ADGRV1: variants seen among roughly 807,000 people sequenced by gnomAD.
The protein encoded by ADGRV1 is adhesion G protein-coupled receptor V1.
In ADGRV1, 359 loss-of-function variants were observed where a neutral mutation model predicts 596.2. The observed-to-expected ratio is 0.60, with a 90% CI of 0.55 to 0.66. ADGRV1 has a LOEUF of 0.66. ADGRV1 is among the 30% of genes least tolerant of loss of function. ADGRV1 has a pLI of 0.00. For missense variants in ADGRV1, 7,274 were observed against 7,575.6 expected (o/e 0.96, Z 1.48); for synonymous variants, 2,681 against 2,679.2 (o/e 1.00, Z -0.02).
intron 27 of ADGRV1, among the ~76,000 whole-genome samples, chr5:90,682,300 C>T (rs1006838456): frequency 3.9e-5 from 6 of 152,182 alleles, no homozygotes; most frequent in Non-Finnish European, 5.9e-5. Context: ...GCTCTTATAG[C>T]TTCTTTCTGG....
At chr5:90,791,381 A>G in intron 70 of ADGRV1, 35 bp downstream of exon 70, 5 of 1,451,320 alleles carry the variant, frequency 3.4e-6, no homozygotes, top group Non-Finnish European at 4.6e-6. Flanking sequence ...TGATCATTCC[A>G]ATAAAACCCT....
intron 86 of ADGRV1, among the ~76,000 whole-genome samples, chr5:91,089,504 A>G (rs1014602494): frequency 7.2e-5 from 11 of 152,178 alleles, no homozygotes; most frequent in Non-Finnish European, 1.5e-4. Context: ...TAAAGAAACA[A>G]AGGCAGCTTT....
Position 90,696,932 on chromosome 5 carries a change from T to C in ADGRV1, c.7946-5T>C, listed in dbSNP as rs1580775628. The C allele has an allele frequency of 6.2e-7, 1 of 1,607,126 alleles. No homozygotes were observed. The highest frequency in any genetic ancestry group is 8.5e-7 in the Non-Finnish European group (1 of 1,175,180). On this transcript the variant is annotated splice_polypyrimidine_tract_variant and splice_region_variant and intron_variant, in intron 33 of 89. Transcript: ENST00000405460. ...TTGGTTTTTATTCCATTGATGTTTTTATAGGTGAAACCAAAAAGACAGTCA... is the reference window on the plus strand; with the variant it reads ...TTGGTTTTTATTCCATTGATGTTTTCATAGGTGAAACCAAAAAGACAGTCA...
chr5:90,802,520 T>G (rs1174752015), intron 70 of ADGRV1, among the ~76,000 whole-genome samples: 1 of 152,186 alleles, frequency 6.6e-6, no homozygotes, highest in Non-Finnish European at 1.5e-5. Flanking sequence ...TGTGGGCCAC[T>G]GTGCCCAGCC....
chr5:90,834,110 T>G (rs1462829087), intron 77 of ADGRV1, among the ~76,000 whole-genome samples: 1 of 152,146 alleles, frequency 6.6e-6, no homozygotes, highest in Non-Finnish European at 1.5e-5. Flanking sequence ...TCTAGAAAAG[T>G]TGTTGTAGTT....
rs41311623 is a variant in ADGRV1, at chr5:90,558,979, A to G, written c.22+62A>G. ...CTGAGCCCCAGGGGAGCGCCTCAGC[A>G]TCAGCACCTGTTGCTGCAGGTGGGC... is the stretch of plus-strand genomic sequence containing the variant. On this transcript the variant is annotated intron_variant, in intron 1 of 89. Transcript: ENST00000405460. The G allele has an allele frequency of 2.0e-3, 2,919 of 1,451,520 alleles. 56 individuals are homozygous for G. In the African/African-American group the frequency reaches 0.037, roughly 18 times the overall value. 89.9% of individuals were successfully genotyped at this position (1,451,520 alleles called of 1,614,324 possible).
At chr5:90,712,803 C>T (rs564640506) in intron 42 of ADGRV1, among the ~76,000 whole-genome samples, 7 of 151,900 alleles carry the variant, frequency 4.6e-5, no homozygotes, top group African/African-American at 1.7e-4. Flanking sequence ...TACTTTGTAC[C>T]TTTGTACAAA....
intron 21 of ADGRV1, among the ~76,000 whole-genome samples, chr5:90,658,737 T>C (rs1769797613): frequency 6.6e-6 from 1 of 152,090 alleles, no homozygotes; most frequent in Non-Finnish European, 1.5e-5. Context: ...TCTTCCATGT[T>C]GGGTGTAAAT....
intron 85 of ADGRV1, among the ~76,000 whole-genome samples, chr5:90,991,817 G>C (rs1780991426): frequency 6.6e-6 from 1 of 152,100 alleles, no homozygotes; most frequent in Non-Finnish European, 1.5e-5. Flanking sequence ...TACTCTATGG[G>C]AAATATGATA....
intron 1 of ADGRV1, among the ~76,000 whole-genome samples, chr5:90,599,201 A>G (rs570009083): frequency 9.8e-5 from 15 of 152,340 alleles, no homozygotes; most frequent in African/African-American, 3.4e-4. Context: ...TAAAGCCAAT[A>G]TAGTATTAGG....
chr5:90,731,178 G>A (rs958321880), intron 50 of ADGRV1, among the ~76,000 whole-genome samples: 4 of 152,142 alleles, frequency 2.6e-5, no homozygotes, highest in African/African-American at 9.7e-5. Flanking sequence ...CATGCTTTGG[G>A]AGGCCTCAGG....
chr5:91,109,784 A>G (rs1037420910), intron 87 of ADGRV1, among the ~76,000 whole-genome samples: 2 of 152,222 alleles, frequency 1.3e-5, no homozygotes, highest in Non-Finnish European at 2.9e-5. Flanking sequence ...AATAATGGAA[A>G]GAGTCAAGTT....
intron 77 of ADGRV1, 61 bp downstream of exon 77, chr5:90,829,247 G>T (rs550059926): frequency 1.9e-4 from 245 of 1,259,782 alleles, no homozygotes; most frequent in Non-Finnish European, 2.4e-4. Flanking sequence ...TACAGCAAGA[G>T]TAATGACATA....
chr5:91,146,034 G>A (rs749321529), intron 87 of ADGRV1, among the ~76,000 whole-genome samples: 2 of 152,178 alleles, frequency 1.3e-5, no homozygotes, highest in Non-Finnish European at 2.9e-5. Flanking sequence ...TCCCAGAAAT[G>A]TTAAGAACCA....
intron 48 of ADGRV1, among the ~76,000 whole-genome samples, chr5:90,725,951 T>C (rs1488395058): frequency 1.3e-5 from 2 of 152,102 alleles, no homozygotes; most frequent in Admixed American, 1.3e-4. Flanking sequence ...CCAGACAGAG[T>C]ATCACTAAAA....
chr5:90,569,415 T>C lies in ADGRV1; in HGVS notation c.22+10498T>C, dbSNP rs6878225. On this transcript the variant is annotated intron_variant, in intron 1 of 89. Transcript: ENST00000405460. Reference sequence around the variant, plus strand: ...TTTTTTTTTTTTTTTTTTTTTTTTTTCTCATTCTTAGTTTCAACCTGTTTG... The same window carrying C: ...TTTTTTTTTTTTTTTTTTTTTTTTTCCTCATTCTTAGTTTCAACCTGTTTG... 9.9e-3 allele frequency among the ~76,000 whole-genome samples: 1,047 copies of C among 105,558 alleles called. 47 individuals carry two copies. Among genetic ancestry groups the C allele is most frequent in the African/African-American group, 0.045 (977 of 21,640 alleles). 69.3% of individuals were successfully genotyped at this position (105,558 alleles called of 152,430 possible).
intron 52 of ADGRV1, among the ~76,000 whole-genome samples, chr5:90,746,832 C>G (rs1269812675): frequency 6.6e-6 from 1 of 152,184 alleles, no homozygotes; most frequent in African/African-American, 2.4e-5. Context: ...TTAATTCATG[C>G]AGCAGTTATT....
chr5:91,114,615 T>C (rs1792690385), intron 87 of ADGRV1, among the ~76,000 whole-genome samples: 1 of 152,116 alleles, frequency 6.6e-6, no homozygotes, highest in Non-Finnish European at 1.5e-5. Flanking sequence ...TATAGTTTTC[T>C]CTCTCTTGAG....
In ADGRV1 at chr5:91,138,474, A is replaced by G. The variant is rs191044114; in HGVS notation, c.18433-11556A>G. Among the ~76,000 whole-genome samples the G allele has an allele frequency of 2.4e-3, 369 of 152,278 alleles. 2 individuals carry two copies. The highest frequency in any genetic ancestry group is 8.2e-3 in the African/African-American group (340 of 41,560). ...GTTTTGCTAATAAATCAATGATTCT[A>G]TAGAACATCCTTAGAGAACTCCTAG... On this transcript the variant is annotated intron_variant, in intron 87 of 89. Coordinates refer to ENST00000405460, the MANE Select transcript of ADGRV1 (RefSeq NM_032119.4).
Sources: allele counts gnomAD v4.1 joint callset (sites outside exome capture counted in the v4.1 genomes callset), GRCh38; gene constraint gnomAD v4.1.1; transcripts MANE v1.5; gene names NCBI Gene and HGNC (gene_info 2026-07-23, HGNC 2026-07-21).